Variants in MEG3 observed in about 807,000 individuals in gnomAD.
MEG3 encodes the protein maternally expressed 3.
chr14:100,839,819 A>G (rs2037697790), intron 2 of MEG3, among the ~76,000 whole-genome samples: 1 of 152,024 alleles, frequency 6.6e-6, no homozygotes, highest in Non-Finnish European at 1.5e-5. Context: ...ACATGGAGAG[A>G]CCCCTTATCT....
chr14:100,834,901 C>A (rs879624613), exon 1 of MEG3: 5 of 431,266 alleles, frequency 1.2e-5, no homozygotes, highest in Non-Finnish European at 2.3e-5. Flanking sequence ...GGGGGCCTTG[C>A]TGGTCGCGTC....
chr14:100,837,054 G>C lies in MEG3; in HGVS notation n.3045+754G>C, dbSNP rs1264134126. Among the ~76,000 whole-genome samples, 4 of 152,198 alleles carry C rather than the reference G, an allele frequency of 2.6e-5. No individual in the cohort carries two copies. Among genetic ancestry groups the C allele is most frequent in the Non-Finnish European group, 5.9e-5 (4 of 68,036 alleles). ...AGGGCTCGGGCCTGGGGTTGTTCTG[G>C]GGCGCCTAAGGCTGGGCTTTGCACT... On this transcript the variant is annotated intron_variant and non_coding_transcript_variant, in intron 2 of 3. Transcript: ENST00000398461. This position sits in a 1 kb window ranked among gnomAD's most constrained non-coding sequence, Gnocchi z 5.8.
chr14:100,843,315 G>T (rs2037814385), intron 2 of MEG3, among the ~76,000 whole-genome samples: 1 of 152,102 alleles, frequency 6.6e-6, no homozygotes, highest in Admixed American at 6.5e-5. Context: ...CTTTGGTCGC[G>T]CTGTGTGTTC....
intron 2 of MEG3, among the ~76,000 whole-genome samples, chr14:100,841,547 G>A (rs1023527334): frequency 6.6e-6 from 1 of 152,144 alleles, no homozygotes; most frequent in African/African-American, 2.4e-5. Context: ...CCAGAGGCCC[G>A]GAGCCTTGCC....
At chr14:100,826,348 A>C (rs754024373) in intron 1 of MEG3, 2 of 152,346 alleles carry the variant, frequency 1.3e-5, no homozygotes, top group Non-Finnish European at 2.9e-5. Flanking sequence ...GGAGGCGGCC[A>C]CTTCGCCTGG....
chr14:100,826,947 TGG>T (rs2139929078), intron 1 of MEG3, among the ~76,000 whole-genome samples: 1 of 141,252 alleles, frequency 7.1e-6, no homozygotes, highest in South Asian at 2.3e-4. Flanking sequence ...GTCGTGGGAT[TGG>T]GGGCACTGGG....
upstream of MEG3, chr14:100,852,273 G>A (rs1017468535): frequency 3.9e-6 from 2 of 516,732 alleles, no homozygotes; most frequent in Admixed American, 3.9e-5. Context: ...TGGGGTTATA[G>A]ACAGGATATG....
rs1045714906 is a variant in MEG3, at chr14:100,837,304, G to A, written n.3045+1004G>A. Among the ~76,000 whole-genome samples the A allele has an allele frequency of 2.0e-5, 3 of 152,204 alleles. No individual in the cohort carries two copies. The highest frequency in any genetic ancestry group is 6.5e-5 in the Admixed American group (1 of 15,288). On this transcript the variant is annotated intron_variant and non_coding_transcript_variant, in intron 2 of 3. Coordinates refer to the MEG3 transcript ENST00000398461. The surrounding 1 kb of genome is among the most constrained non-coding windows in gnomAD (Gnocchi z 5.8). ...TCTGTGGCTCACTCAGGGCGATGGG[G>A]TGTTTTTAGAGCCACTGCCCTGGGA...
At chr14:100,841,455 G>C (rs944431529) in intron 2 of MEG3, among the ~76,000 whole-genome samples, 54 of 152,322 alleles carry the variant, frequency 3.5e-4, no homozygotes, top group African/African-American at 1.0e-3. Context: ...TCGTTTGTTT[G>C]CTGGGTCTTT....
upstream of MEG3, chr14:100,854,427 G>A (rs1403962859): frequency 2.0e-5 from 3 of 152,208 alleles, no homozygotes; most frequent in Non-Finnish European, 4.4e-5. Flanking sequence ...AGCCCTCAGA[G>A]AAAGTAGTGT....
At chr14:100,827,722 G>T (rs2037281887) in intron 1 of MEG3, among the ~76,000 whole-genome samples, 1 of 152,126 alleles carries the variant, frequency 6.6e-6, no homozygotes, top group Non-Finnish European at 1.5e-5. Context: ...GCGAAGGCGG[G>T]GAGCGGCGTG....
chr14:100,858,002 G>C (rs1272482937), exon 1 of MEG3: 4 of 152,126 alleles, frequency 2.6e-5, no homozygotes, highest in Non-Finnish European at 5.9e-5. Context: ...CAAGCTCGGG[G>C]GTCTTGTACA....
downstream of MEG3, chr14:100,831,121 T>C (rs1235835734): frequency 6.5e-6 from 1 of 153,060 alleles, no homozygotes; most frequent in Admixed American, 6.5e-5. Context: ...AATGTTTCTG[T>C]CACTTTTTGC....
chr14:100,854,963 A>T (rs1265762037), upstream of MEG3: 1 of 152,638 alleles, frequency 6.6e-6, no homozygotes, highest in Non-Finnish European at 1.5e-5. Flanking sequence ...TAAGGAGCGG[A>T]ATAAAGGGCA....
intron 1 of MEG3, among the ~76,000 whole-genome samples, chr14:100,826,997 G>A (rs1484549565): frequency 1.3e-5 from 2 of 151,872 alleles, no homozygotes; most frequent in Non-Finnish European, 2.9e-5. Context: ...AGGAGAGAAG[G>A]CCGTGTCCTT....
At chr14:100,860,229 A>C (rs1392045876) in exon 1 of MEG3, 2 of 200,894 alleles carry the variant, frequency 1.0e-5, no homozygotes, top group African/African-American at 4.8e-5. Context: ...TACACTCAGC[A>C]GGTTCAGACA....
chr14:100,853,074 C>G (rs2038134578), upstream of MEG3: 1 of 152,342 alleles, frequency 6.6e-6, no homozygotes, highest in Non-Finnish European at 1.5e-5. Context: ...GGCACAAAAG[C>G]CAGAGATAAA....
At chr14:100,844,807 TAA>T (rs1211329382) in intron 2 of MEG3, among the ~76,000 whole-genome samples, 2 of 152,074 alleles carry the variant, frequency 1.3e-5, no homozygotes, top group East Asian at 3.9e-4. Flanking sequence ...CCGATTTTTA[TAA>T]AAAAGAAAAA....
At chr14:100,854,935 C>T (rs892613790), upstream of MEG3, 2 of 152,644 alleles carry the variant, frequency 1.3e-5, no homozygotes, top group African/African-American at 2.4e-5. Context: ...TTTTTCTTCA[C>T]CTGGGGCAAT....
Sources: gnomAD v4.1 joint callset for allele counts (sites outside exome capture counted in the v4.1 genomes callset) on GRCh38, gnomAD v4.1.1 for gene constraint, Gnocchi (gnomAD v3.1) non-coding constraint, MANE v1.5 for transcripts, NCBI Gene and HGNC (gene_info 2026-07-23, HGNC 2026-07-21) for gene names.